DBF4B: variants seen among roughly 807,000 people sequenced by gnomAD.
DBF4B encodes protein DBF4 homolog B.
DBF4B carries 49 observed loss-of-function variants against 53.4 expected under a neutral mutation model. The observed-to-expected ratio is 0.92, with a 90% CI of 0.73 to 1.16. DBF4B has a LOEUF of 1.16. Among genes scored for constraint, DBF4B ranks in the 50% most tolerant of loss-of-function variants. The probability of loss-of-function intolerance (pLI) is 0.00; values close to 1 mark genes in which losing one functional copy is unlikely to be tolerated. For missense variants in DBF4B, 692 were observed against 775.0 expected (o/e 0.89, Z 1.27); for synonymous variants, 257 against 288.7 (o/e 0.89, Z 1.11).
chr17:44,741,735 C>A (rs538350443), intron 10 of DBF4B, among the ~76,000 whole-genome samples: 1 of 152,180 alleles, frequency 6.6e-6, no homozygotes, highest in East Asian at 1.9e-4. Context: ...TTTGTTAATT[C>A]ACTGCTGAGA....
rs763748765 is a variant in DBF4B, at chr17:44,738,369, C to T, written c.668-10C>T. 1 of 1,613,198 alleles carries T rather than the reference C, an allele frequency of 6.2e-7. No individual in the cohort carries two copies. Among genetic ancestry groups the T allele is most frequent in the East Asian group, 2.2e-5 (1 of 44,878 alleles). ...ACAGATAGCTGATGTGTGCATTCTT[C>T]CCCTTTCAGTGGCCAGACTGAAGGC... On this transcript the variant is annotated splice_polypyrimidine_tract_variant and intron_variant, in intron 8 of 13. Coordinates refer to ENST00000315005, the MANE Select transcript of DBF4B (RefSeq NM_145663.3).
chr17:44,713,112 T>C (rs1973041850), intron 2 of DBF4B, among the ~76,000 whole-genome samples: 1 of 145,416 alleles, frequency 6.9e-6, no homozygotes, highest in African/African-American at 2.5e-5. Context: ...TGATCTGGGC[T>C]CACTACAAGC....
At chr17:44,747,326 A>C in intron 11 of DBF4B, 65 bp from the exon 12 acceptor site, 1 of 1,605,370 alleles carries the variant, frequency 6.2e-7, no homozygotes, top group Non-Finnish European at 8.5e-7. Context: ...CTGGGAGGTC[A>C]GCTTCCGTGT....
intron 8 of DBF4B, among the ~76,000 whole-genome samples, chr17:44,737,738 T>C (rs1975597693): frequency 6.6e-6 from 1 of 152,190 alleles, no homozygotes; most frequent in African/African-American, 2.4e-5. Flanking sequence ...AGTCTCTTAA[T>C]TGACTCCAAA....
intron 3 of DBF4B, among the ~76,000 whole-genome samples, chr17:44,727,816 G>A (rs573413479): frequency 1.9e-4 from 29 of 151,084 alleles, no homozygotes; most frequent in African/African-American, 7.1e-4. Flanking sequence ...TCCTTCCTCA[G>A]CCTCCAGAGT....
At chr17:44,734,737 G>A (rs1048506480) in intron 7 of DBF4B, among the ~76,000 whole-genome samples, 2 of 152,212 alleles carry the variant, frequency 1.3e-5, no homozygotes, top group African/African-American at 4.8e-5. Context: ...CTGGCATCCA[G>A]GCACAGGACG....
At chr17:44,735,565 G>A (rs1975320650) in intron 7 of DBF4B, among the ~76,000 whole-genome samples, 1 of 152,186 alleles carries the variant, frequency 6.6e-6, no homozygotes, top group Non-Finnish European at 1.5e-5. Flanking sequence ...AGCTACTTGG[G>A]AGGGTGAGGC....
chr17:44,747,575 G>A, intron 12 of DBF4B, 60 bp downstream of exon 12: 1 of 1,595,628 alleles, frequency 6.3e-7, no homozygotes, highest in Middle Eastern at 1.7e-4. Context: ...CCCTCTGGGT[G>A]GGAAGAGACC....
chr17:44,708,826 C>G lies in DBF4B; in HGVS notation c.6C>G (p.Ser2Arg). ...CGAGAAGGAGCCGGCATTTGATGAGCGAACCGGGAAAGGGTACGGATGCCG... is the reference window on the plus strand; with the variant it reads ...CGAGAAGGAGCCGGCATTTGATGAGGGAACCGGGAAAGGGTACGGATGCCG... The part of the protein sequence containing the change: M[S>R]EPGKGDDCLE... The change falls in exon 1 of 14, where the codon AGC (serine) becomes AGG (arginine). Residue 2 changes from serine (S) to arginine (R), a missense_variant. Transcript: ENST00000315005. 2 of 1,551,094 alleles carry G rather than the reference C, an allele frequency of 1.3e-6. No individual in the cohort carries two copies. The highest frequency in any genetic ancestry group is 1.7e-4 in the Middle Eastern group (1 of 5,982).
rs1972588363 is a variant in DBF4B, at chr17:44,708,729, C to G, written c.-92C>G. On this transcript the variant is annotated 5_prime_UTR_variant, in exon 1 of 14. Transcript: ENST00000315005. ...TGTAGCTGCCCTGAGATAACCAGGA[C>G]TGTGGAATCGGGAAGAGCTCATGGA... is the stretch of plus-strand genomic sequence containing the variant. The G allele has an allele frequency of 6.8e-7, 1 of 1,465,048 alleles. No individual in the cohort carries two copies. Among genetic ancestry groups the G allele is most frequent in the Admixed American group, 2.2e-5 (1 of 45,928 alleles). 90.8% of individuals were successfully genotyped at this position (1,465,048 alleles called of 1,614,324 possible).
intron 2 of DBF4B, among the ~76,000 whole-genome samples, chr17:44,717,994 C>G (rs1268310479): frequency 1.3e-5 from 2 of 151,820 alleles, no homozygotes; most frequent in Non-Finnish European, 2.9e-5. Context: ...CCACTGCACT[C>G]TAGCCTGAGT....
chr17:44,731,919 C>A (rs967706743), intron 5 of DBF4B: 2 of 426,426 alleles, frequency 4.7e-6, no homozygotes, highest in Admixed American at 3.9e-5. Flanking sequence ...TCTGTTCCTT[C>A]CTGGTCACGA....
In DBF4B at chr17:44,734,285, G is replaced by T. The variant is rs553426780; in HGVS notation, c.630+122G>T. 115 of 1,221,554 alleles carry T rather than the reference G, an allele frequency of 9.4e-5. No homozygotes were observed. The African/African-American group carries it at 1.5e-3, about 16-fold the overall frequency. 75.7% of individuals were successfully genotyped at this position (1,221,554 alleles called of 1,614,324 possible). On this transcript the variant is annotated intron_variant, in intron 7 of 13. Transcript: ENST00000315005. Reference sequence around the variant, plus strand: ...CTGGCCATTCTGAAAGATGGAAGAGGAATGCAGCCTCTTATTTACCTCAGT... The same window carrying T: ...CTGGCCATTCTGAAAGATGGAAGAGTAATGCAGCCTCTTATTTACCTCAGT...
intron 10 of DBF4B, among the ~76,000 whole-genome samples, chr17:44,744,797 A>G (rs1976441525): frequency 6.6e-6 from 1 of 152,170 alleles, no homozygotes; most frequent in Non-Finnish European, 1.5e-5. Flanking sequence ...CAGTATAATT[A>G]TAATTTTTGT....
In DBF4B at chr17:44,749,824, C is replaced by T. The variant is rs2049232020; in HGVS notation, c.1190-771C>T. The T allele has an allele frequency of 9.6e-7, 1 of 1,037,420 alleles. No homozygotes were observed. The allele number at this position is 1,037,420 out of a possible 1,614,324, so 64.3% of individuals were successfully genotyped here. ...GGTGTGCTCCACCCCCAACCCCGGC[C>T]TCCTTTCTCACGAGCATGTGGCCGC... On this transcript the variant is annotated intron_variant, in intron 13 of 13. Transcript: ENST00000315005. This position sits in a 1 kb window ranked among gnomAD's most constrained non-coding sequence, Gnocchi z 4.4.
intron 2 of DBF4B, among the ~76,000 whole-genome samples, chr17:44,715,492 C>T (rs574342049): frequency 5.3e-5 from 8 of 152,154 alleles, no homozygotes; most frequent in South Asian, 2.1e-4. Context: ...CCACCACACC[C>T]GGCCAGTTTT....
intron 13 of DBF4B, 70 bp from the exon 14 acceptor site, chr17:44,750,525 A>G: frequency 6.6e-7 from 1 of 1,513,088 alleles, no homozygotes. Context: ...ATGTAAATAA[A>G]TTTGTTAATT....
intron 10 of DBF4B, among the ~76,000 whole-genome samples, chr17:44,746,290 A>G (rs1349339995): frequency 6.6e-6 from 1 of 151,180 alleles, no homozygotes; most frequent in Non-Finnish European, 1.5e-5. Flanking sequence ...CCTAGCGGAC[A>G]GTGAGGACAG....
Position 44,750,951 on chromosome 17 carries a change from G to A in DBF4B, c.1546G>A (p.Val516Met), listed in dbSNP as rs773925370. Reference sequence around the variant, plus strand: ...CTGCTGGGTTCGTCCCTTTCCTTTTGTGACATGGGGTTGCCTCATTCCCCA... The same window carrying A: ...CTGCTGGGTTCGTCCCTTTCCTTTTATGACATGGGGTTGCCTCATTCCCCA... Reference protein sequence around the residue: ...ARCWVRPFPFVTWGCLIPHDT... With the variant: ...ARCWVRPFPFMTWGCLIPHDT... The change falls in exon 14 of 14, where the codon GTG becomes ATG. Residue 516 changes from valine (V) to methionine (M), a missense_variant. Val to Met is a conservative substitution (Grantham distance 21). This residue lies in a region of DBF4B where 597 missense variants were observed against 665.8 expected (regional missense o/e 0.90). Transcript: ENST00000315005. The A allele has an allele frequency of 4.3e-6, 7 of 1,614,122 alleles. No individual in the cohort carries two copies. In the South Asian group the frequency reaches 6.6e-5, roughly 15 times the overall value.
Sources: gnomAD v4.1 joint callset for allele counts (sites outside exome capture counted in the v4.1 genomes callset) on GRCh38, gnomAD v4.1.1 for gene constraint, gnomAD v4.1.1 regional missense constraint, Gnocchi (gnomAD v3.1) non-coding constraint, MANE v1.5 for transcripts, NCBI Gene and HGNC (gene_info 2026-07-23, HGNC 2026-07-21) for gene names.